Variants in CTDSPL2 observed in about 807,000 individuals in gnomAD.
The protein encoded by CTDSPL2 is CTD small phosphatase-like protein 2.
Under a neutral mutation model 60.0 loss-of-function variants are expected in CTDSPL2, and 5 were observed. The ratio of observed to expected loss-of-function variants is 0.08; its 90% CI spans 0.04 to 0.18. The LOEUF is 0.18. Ranked by LOEUF, CTDSPL2 falls within the 10% of genes least tolerant of loss-of-function variation. CTDSPL2 has a pLI of 1.00. For missense variants in CTDSPL2, 370 were observed against 548.8 expected, an observed-to-expected ratio of 0.67 and a Z score of 3.26; for synonymous variants, 186 against 189.3, an observed-to-expected ratio of 0.98 and a Z score of 0.14.
At chr15:44,476,748 A>T (rs995154669) in intron 2 of CTDSPL2, among the ~76,000 whole-genome samples, 12 of 152,242 alleles carry the variant, frequency 7.9e-5, no homozygotes, top group African/African-American at 2.9e-4. Context: ...AATACGCTGT[A>T]TGATTGTACA....
chr15:44,454,859 G>A (rs192740305), intron 1 of CTDSPL2, among the ~76,000 whole-genome samples: 2,244 of 152,270 alleles, frequency 0.015, 67 homozygotes, highest in African/African-American at 0.051. Flanking sequence ...GTCAGGTAGC[G>A]TAATGCCTCC....
At chr15:44,503,960 G>A (rs2081417701) in intron 8 of CTDSPL2, 1 of 152,274 alleles carries the variant, frequency 6.6e-6, no homozygotes, top group South Asian at 2.1e-4. Context: ...AGAGGTGGAT[G>A]GGGAAGGCCA....
intron 8 of CTDSPL2, among the ~76,000 whole-genome samples, chr15:44,507,710 A>G (rs532331725): frequency 1.3e-5 from 2 of 152,366 alleles, no homozygotes; most frequent in Non-Finnish European, 2.9e-5. Flanking sequence ...TCCCTCTTCC[A>G]AAAGTATAGA....
chr15:44,493,872 GA>G (rs1453218443), intron 5 of CTDSPL2, among the ~76,000 whole-genome samples: 5 of 152,176 alleles, frequency 3.3e-5, no homozygotes, highest in African/African-American at 1.2e-4. Flanking sequence ...AGTTGTTGGA[GA>G]TTTTTTTTTG....
At chr15:44,493,999 A>T (rs1346062854) in intron 5 of CTDSPL2, among the ~76,000 whole-genome samples, 4 of 152,202 alleles carry the variant, frequency 2.6e-5, no homozygotes, top group Admixed American at 2.6e-4. Context: ...TTAATACATG[A>T]TAATTGCACA....
chr15:44,491,638 C>T (rs2081215977), intron 5 of CTDSPL2, among the ~76,000 whole-genome samples: 1 of 152,118 alleles, frequency 6.6e-6, no homozygotes, highest in Non-Finnish European at 1.5e-5. Context: ...AGGCCATCTT[C>T]TTATTAGGGC....
In CTDSPL2 at chr15:44,499,832, A is replaced by G; in HGVS notation, c.969+19A>G. The G allele has an allele frequency of 6.7e-7, 1 of 1,499,204 alleles. No individual in the cohort carries two copies. Among genetic ancestry groups the G allele is most frequent in the Non-Finnish European group, 9.3e-7 (1 of 1,080,824 alleles). The allele number at this position is 1,499,204 out of a possible 1,614,324, so 92.9% of individuals were successfully genotyped here. On this transcript the variant is annotated intron_variant, in intron 8 of 12. Coordinates refer to ENST00000260327, the MANE Select transcript of CTDSPL2 (RefSeq NM_016396.3). ...TTATCAGGTAATTAAAATTTTTTTG[A>G]TGATTTTTGGCCTGATAGGTAACAT...
At chr15:44,437,041 A>G (rs1207614652) in intron 1 of CTDSPL2, among the ~76,000 whole-genome samples, 1 of 152,252 alleles carries the variant, frequency 6.6e-6, no homozygotes, top group Middle Eastern at 3.2e-3. Context: ...ATTTTAAACA[A>G]TATTTTTAAT....
chr15:44,457,314 C>A (rs2080468045), intron 1 of CTDSPL2, among the ~76,000 whole-genome samples: 1 of 152,238 alleles, frequency 6.6e-6, no homozygotes, highest in South Asian at 2.1e-4. Flanking sequence ...ATAGTGAGAT[C>A]TTCTGGATAA....
chr15:44,439,542 T>G (rs1225597564), intron 1 of CTDSPL2, among the ~76,000 whole-genome samples: 1 of 147,168 alleles, frequency 6.8e-6, no homozygotes, highest in South Asian at 2.4e-4. Flanking sequence ...TATGTTTTTT[T>G]TGGGGGGGGG....
chr15:44,462,440 T>C (rs1056351699), intron 2 of CTDSPL2, among the ~76,000 whole-genome samples: 10 of 152,022 alleles, frequency 6.6e-5, no homozygotes, highest in Admixed American at 1.3e-4. Context: ...GGGGATGAAA[T>C]TGATCCACCT....
intron 8 of CTDSPL2, among the ~76,000 whole-genome samples, chr15:44,506,952 A>G (rs2081478475): frequency 6.6e-6 from 1 of 151,340 alleles, no homozygotes; most frequent in Non-Finnish European, 1.5e-5. Context: ...TATTTTTAGT[A>G]GAGACAGGGT....
At chr15:44,461,442 G>A (rs1240259261) in intron 2 of CTDSPL2, among the ~76,000 whole-genome samples, 1 of 151,890 alleles carries the variant, frequency 6.6e-6, no homozygotes, top group Non-Finnish European at 1.5e-5. Context: ...AGGCTGGAGT[G>A]CAGTGATACT....
rs752150127 is a variant in CTDSPL2 at position 44,496,384 on chromosome 15, A to G, written c.696A>G (p.Pro232=). ...TTCTTTCACTATGTTAAATAGCACC[A>G]GTAACTCCAGATAGTGGTTATTCAT... The part of the protein sequence containing the change: ...VNRDIPPLTA[P]VTPDSGYSSA... The change falls in exon 6 of 13, where the codon CCA becomes CCG. Residue 232 remains proline (P), a synonymous_variant. Transcript: ENST00000260327. The G allele has an allele frequency of 1.9e-6, 3 of 1,611,182 alleles. No individual in the cohort carries two copies. Among genetic ancestry groups the G allele is most frequent in the East Asian group, 2.2e-5 (1 of 44,872 alleles).
intron 2 of CTDSPL2, among the ~76,000 whole-genome samples, chr15:44,461,296 A>T (rs1398764892): frequency 1.3e-5 from 2 of 152,252 alleles, no homozygotes; most frequent in Non-Finnish European, 2.9e-5. Flanking sequence ...CTCTCCAAAA[A>T]CTTAACACTA....
intron 4 of CTDSPL2, among the ~76,000 whole-genome samples, chr15:44,488,664 AT>A (rs2081162921): frequency 1.3e-5 from 2 of 152,008 alleles, no homozygotes; most frequent in South Asian, 4.2e-4. Context: ...ATACAAAAAA[AT>A]TTAGCTGGGC....
intron 1 of CTDSPL2, among the ~76,000 whole-genome samples, chr15:44,432,170 A>G (rs1466230815): frequency 6.6e-6 from 1 of 152,102 alleles, no homozygotes; most frequent in Non-Finnish European, 1.5e-5. Context: ...CCTGACAGTA[A>G]GGAATAGTGA....
intron 1 of CTDSPL2, among the ~76,000 whole-genome samples, chr15:44,431,815 T>G (rs1488684504): frequency 6.7e-6 from 1 of 149,974 alleles, no homozygotes; most frequent in Non-Finnish European, 1.5e-5. Context: ...GCCTCCTGGG[T>G]CAAGCCATTC....
At chr15:44,508,078 C>CTTT (rs1378208615) in intron 8 of CTDSPL2, among the ~76,000 whole-genome samples, 1 of 149,394 alleles carries the variant, frequency 6.7e-6, no homozygotes. Context: ...GCATCTCATT[C>CTTT]TTTTTTTTTC....
Sources: gnomAD v4.1 joint callset for allele counts (sites outside exome capture counted in the v4.1 genomes callset) on GRCh38, gnomAD v4.1.1 for gene constraint, MANE v1.5 for transcripts, NCBI Gene and HGNC (gene_info 2026-07-23, HGNC 2026-07-21) for gene names.